The following PCID2 variants were observed in gnomAD, a reference collection of about 807,000 sequenced individuals.
The protein encoded by PCID2 is PCI domain containing 2.
Under a neutral mutation model 61.3 loss-of-function variants are expected in PCID2, and 41 were observed. That is an observed-to-expected ratio of 0.67 (90% CI 0.52 to 0.87). The LOEUF (loss-of-function observed/expected upper bound fraction) is 0.87. Among genes scored for constraint, PCID2 ranks in the 40% least tolerant of loss-of-function variants. The pLI, the probability that PCID2 is intolerant of heterozygous loss-of-function variation, is 0.00. For missense variants in PCID2, 392 were observed against 493.4 expected (o/e 0.79, Z 1.95); for synonymous variants, 187 against 177.8 (o/e 1.05, Z -0.41).
rs557389419 is a variant in PCID2, at chr13:113,208,087, G to T, written c.36+512C>A. 15 of 1,612,692 alleles carry T rather than the reference G, an allele frequency of 9.3e-6. No individual in the cohort carries two copies. In the East Asian group the frequency reaches 3.3e-4, roughly 36 times the overall value. ...CGATATGAAGTGTGCATTGTGCTCGGAGAGTGAAGGGCGTTAAACGACAGC... is the reference window on the plus strand; with the variant it reads ...CGATATGAAGTGTGCATTGTGCTCGTAGAGTGAAGGGCGTTAAACGACAGC... On this transcript the variant is annotated intron_variant, in intron 1 of 13. Coordinates refer to ENST00000337344, the MANE Select transcript of PCID2 (RefSeq NM_001127202.4).
chr13:113,205,809 G>A (rs1434496456), intron 1 of PCID2, among the ~76,000 whole-genome samples: 1 of 152,246 alleles, frequency 6.6e-6, no homozygotes, highest in African/African-American at 2.4e-5. Flanking sequence ...AAGCGCTCGG[G>A]AGGGAGGACC....
In PCID2 at chr13:113,190,925, C is replaced by T; in HGVS notation, c.414G>A (p.Leu138=). 1 of 1,613,710 alleles carries T rather than the reference C, an allele frequency of 6.2e-7. No individual in the cohort carries two copies. The highest frequency in any genetic ancestry group is 8.5e-7 in the Non-Finnish European group (1 of 1,179,796). ...TCATCAGTAACTCTGCTGCTTTTTC[C>T]AACATGTCCCCAACTTTGCTTTTTC... ...KKGKSKVGDM[L]EKAAELLMSC... The change falls in exon 7 of 14, where the codon TTG becomes TTA. Residue 138 remains leucine, a synonymous_variant. Transcript: ENST00000337344.
downstream of PCID2, among the ~76,000 whole-genome samples, chr13:113,173,298 C>G (rs1269990725): frequency 1.3e-5 from 2 of 152,234 alleles, no homozygotes; most frequent in Admixed American, 6.5e-5. Flanking sequence ...GTCCAGCCCC[C>G]AGTGAAACGT....
At position 113,185,535 on chromosome 13, in the gene PCID2, TC is replaced by T; in HGVS notation, c.492del (p.Lys165SerfsTer8). The T allele has an allele frequency of 3.7e-6, 6 of 1,612,400 alleles. No individual in the cohort carries two copies. The highest frequency in any genetic ancestry group is 5.1e-6 in the Non-Finnish European group (6 of 1,178,446). On this transcript the variant is annotated frameshift_variant, in exon 8 of 14. Coordinates refer to ENST00000337344, the MANE Select transcript of PCID2 (RefSeq NM_001127202.4). LOFTEE classifies it high-confidence loss of function. The stretch of plus-strand genomic sequence containing the variant: ...TTCACCAGAAACAGCATGCCCCACT[TC>T]TTAGAGTCCTCTATACCAGCACGGC... Reference protein sequence around the residue: ...SDTRAGIEDSKKWGMLFLVNQ... With the variant: ...SDTRAGIEDSXKWGMLFLVNQ...
chr13:113,208,230 G>T, intron 1 of PCID2: 8 of 1,494,028 alleles, frequency 5.4e-6, no homozygotes, highest in Non-Finnish European at 7.1e-6. Context: ...GCGTCCATCC[G>T]ACACAGCACC....
the PCID2 span, chr13:113,170,312 TGGGGGTGG>T: frequency 3.6e-6 from 2 of 549,038 alleles, no homozygotes; most frequent in African/African-American, 5.9e-5. Flanking sequence ...GGGGTGGGGG[TGGGGGTGG>T]GGGGGTGGTC....
At chr13:113,203,108 A>G (rs1032385448) in intron 1 of PCID2, among the ~76,000 whole-genome samples, 1 of 152,200 alleles carries the variant, frequency 6.6e-6, no homozygotes, top group African/African-American at 2.4e-5. Flanking sequence ...CCGGGACCAC[A>G]GTCGTCAGTG....
chr13:113,178,491 T>G, intron 13 of PCID2: 1 of 497,020 alleles, frequency 2.0e-6, no homozygotes, highest in Non-Finnish European at 3.6e-6. Context: ...TAACCAACTG[T>G]GGACTGAAAA....
chr13:113,193,277 T>TA (rs560566712), intron 6 of PCID2, among the ~76,000 whole-genome samples: 568 of 146,312 alleles, frequency 3.9e-3, no homozygotes, highest in African/African-American at 7.3e-3. Flanking sequence ...CTAACCTTTT[T>TA]AAAAAAAAAA....
chr13:113,166,049 C>T, the PCID2 span: 1 of 152,268 alleles, frequency 6.6e-6, no homozygotes. Context: ...ATACCACCCA[C>T]ACTGGCTTTG....
chr13:113,192,639 T>C (rs986270531), intron 6 of PCID2, among the ~76,000 whole-genome samples: 2 of 152,200 alleles, frequency 1.3e-5, no homozygotes, highest in African/African-American at 2.4e-5. Context: ...ACTGTGAGCT[T>C]AGCAGCTTTT....
chr13:113,175,797 G>A (rs1373668783), downstream of PCID2, among the ~76,000 whole-genome samples: 1 of 152,206 alleles, frequency 6.6e-6, no homozygotes, highest in Non-Finnish European at 1.5e-5. Context: ...GTCCACGGCT[G>A]GAATCCGGGT....
intron 7 of PCID2, among the ~76,000 whole-genome samples, chr13:113,189,558 T>C (rs941109941): frequency 6.6e-6 from 1 of 152,108 alleles, no homozygotes; most frequent in Non-Finnish European, 1.5e-5. Context: ...CATAAATAAA[T>C]GTGATTATAT....
chr13:113,175,173 T>C (rs1245852430), downstream of PCID2, among the ~76,000 whole-genome samples: 1 of 152,174 alleles, frequency 6.6e-6, no homozygotes, highest in Non-Finnish European at 1.5e-5. Context: ...CCTTTACATA[T>C]TACCCAGTCT....
rs1349555514 is a variant in PCID2 at position 113,180,174 on chromosome 13, C to T, written c.844G>A (p.Val282Ile). ...KKYHLMQFAEVTRAVSEGNLL... is the reference protein window; with the variant it reads ...KKYHLMQFAEITRAVSEGNLL... ...ATACTCTACCTCACAGCTCTGGTTA[C>T]TTCCGCAAACTGCATCAGGTGATAC... The change falls in exon 11 of 14, where the codon GTA (valine) becomes ATA (isoleucine). Residue 282 changes from valine (V) to isoleucine (I), a missense_variant. By Grantham distance (29) the Val-to-Ile change is conservative. Coordinates refer to ENST00000337344, the MANE Select transcript of PCID2 (RefSeq NM_001127202.4). 2 of 1,613,984 alleles carry T rather than the reference C, an allele frequency of 1.2e-6. No homozygotes were observed. The highest frequency in any genetic ancestry group is 1.7e-6 in the Non-Finnish European group (2 of 1,179,864).
intron 9 of PCID2, 61 bp from the exon 10 acceptor site, chr13:113,181,291 G>C (rs1003708807): frequency 9.8e-7 from 1 of 1,016,382 alleles, no homozygotes; most frequent in African/African-American, 1.6e-5. Flanking sequence ...GCCCCTTCCT[G>C]CTCCATTTTC....
At chr13:113,178,330 T>C (rs1360716928) in intron 13 of PCID2, 43 bp from the exon 14 acceptor site, 1 of 1,449,026 alleles carries the variant, frequency 6.9e-7, no homozygotes, top group Non-Finnish European at 9.7e-7. Context: ...TTTTTGGATC[T>C]GAGTCATGTC....
At chr13:113,189,669 T>C (rs1167298060) in intron 7 of PCID2, among the ~76,000 whole-genome samples, 2 of 145,878 alleles carry the variant, frequency 1.4e-5, no homozygotes, top group African/African-American at 5.1e-5. Flanking sequence ...GCAGAAAAGA[T>C]CAGTCAACTT....
intron 6 of PCID2, among the ~76,000 whole-genome samples, chr13:113,192,891 C>A (rs954337177): frequency 6.6e-6 from 1 of 152,112 alleles, no homozygotes; most frequent in Non-Finnish European, 1.5e-5. Flanking sequence ...GTGATGAGGT[C>A]ATGAAGGTGA....
Sources: allele counts gnomAD v4.1 joint callset (sites outside exome capture counted in the v4.1 genomes callset), GRCh38; gene constraint gnomAD v4.1.1; transcripts MANE v1.5; gene names NCBI Gene and HGNC (gene_info 2026-07-23, HGNC 2026-07-21).